Variants in ZNF716 observed in about 807,000 individuals in gnomAD.
ZNF716 encodes the protein zinc finger protein 716.
ZNF716 carries 9 observed loss-of-function variants against 13.4 expected under a neutral mutation model. The observed-to-expected ratio is 0.67, with a 90% CI of 0.41 to 1.18. ZNF716 has a LOEUF of 1.18. Ranked by LOEUF, ZNF716 falls within the 50% of genes most tolerant of loss-of-function variation. ZNF716 has a pLI of 0.01. For missense variants in ZNF716, 581 were observed against 576.6 expected (o/e 1.01, Z -0.08); for synonymous variants, 186 against 195.2 (o/e 0.95, Z 0.39).
Position 57,471,954 on chromosome 7 carries a change from T to C in ZNF716, c.*2005T>C, listed in dbSNP as rs1192442352. On this transcript the variant is annotated 3_prime_UTR_variant, in exon 4 of 4. Transcript: ENST00000420713. ...GCTTCTTTCTTTGTAAAAAAAAATA[T>C]AGATTTTCTGAAAAGCAAATAGTAA... 2 of 152,212 alleles carry C rather than the reference T, an allele frequency of 1.3e-5. No homozygotes were observed. Among genetic ancestry groups the C allele is most frequent in the Non-Finnish European group, 2.9e-5 (2 of 68,026 alleles). 9.4% of individuals were successfully genotyped at this position (152,212 alleles called of 1,614,324 possible). A position where few individuals can be genotyped will look rare whatever the true frequency, so the allele number is the denominator to read the frequency against.
Position 57,473,316 on chromosome 7 carries a change from C to G in ZNF716, c.*3367C>G, listed in dbSNP as rs1789981199. The stretch of plus-strand genomic sequence containing the variant: ...GGAGGATCATTTGAGGTTAGGAGTT[C>G]AAGACCAGCCTGGCCAACATGGTGA... On this transcript the variant is annotated 3_prime_UTR_variant, in exon 4 of 4. Coordinates refer to ENST00000420713, the MANE Select transcript of ZNF716 (RefSeq NM_001159279.1). The G allele has an allele frequency of 2.6e-5, 4 of 151,954 alleles. No individual in the cohort carries two copies. Among genetic ancestry groups the G allele is most frequent in the Admixed American group, 1.3e-4 (2 of 15,244 alleles). The allele number at this position is 151,954 out of a possible 1,614,324, so 9.4% of individuals were successfully genotyped here.
intron 1 of ZNF716, among the ~76,000 whole-genome samples, chr7:57,459,070 T>C (rs1483688001): frequency 6.6e-6 from 1 of 152,252 alleles, no homozygotes; most frequent in Non-Finnish European, 1.5e-5. Flanking sequence ...GATTATTCAA[T>C]TTTTATGTAA....
Position 57,450,271 on chromosome 7 carries a change from G to C in ZNF716, c.-18G>C, listed in dbSNP as rs1554321342. On this transcript the variant is annotated 5_prime_UTR_variant, in exon 1 of 4. Coordinates refer to ENST00000420713, the MANE Select transcript of ZNF716 (RefSeq NM_001159279.1). ...CCAAGCCTCTGTGGCCTTGTGTCCT[G>C]CAAGTATTCGCAGATTTATGGCTAA... 2 of 1,613,968 alleles carry C rather than the reference G, an allele frequency of 1.2e-6. No individual in the cohort carries two copies. Among genetic ancestry groups the C allele is most frequent in the Non-Finnish European group, 1.7e-6 (2 of 1,179,934 alleles).
chr7:57,468,372 A>G (rs1554324457), intron 3 of ZNF716, among the ~76,000 whole-genome samples: 1 of 152,034 alleles, frequency 6.6e-6, no homozygotes, highest in Non-Finnish European at 1.5e-5. Context: ...AGGTGCCAAT[A>G]TTTTTCTTTT....
In ZNF716 at chr7:57,462,464, T is replaced by C; in HGVS notation, c.44T>C (p.Leu15Pro). ...TTGTTTATTTTTTGTTTTTAGGGAC[T>C]GTTGACATTCAGAGACATAGCTATA... The part of the protein sequence containing the change: ...PGPPGSREMG[L>P]LTFRDIAIEF... Residue 15 changes from leucine to proline, a missense_variant, in exon 2 of 4, where the codon CTG becomes CCG. By Grantham distance (98) the Leu-to-Pro change is moderately conservative. Coordinates refer to ENST00000420713, the MANE Select transcript of ZNF716 (RefSeq NM_001159279.1). 1 of 1,613,704 alleles carries C rather than the reference T, an allele frequency of 6.2e-7. No homozygotes were observed. The highest frequency in any genetic ancestry group is 8.5e-7 in the Non-Finnish European group (1 of 1,179,912).
At chr7:57,464,913 T>A (rs1416815806) in intron 3 of ZNF716, among the ~76,000 whole-genome samples, 2 of 152,212 alleles carry the variant, frequency 1.3e-5, no homozygotes, top group Non-Finnish European at 2.9e-5. Context: ...CTGGCCTCCC[T>A]ATTTTGTTCT....
At position 57,463,165 on chromosome 7, in the gene ZNF716, C is replaced by G. The variant is rs1554323448; in HGVS notation, c.259C>G (p.Pro87Ala). The change falls in exon 3 of 4, where the codon CCA (proline) becomes GCA (alanine). Residue 87 changes from proline (P) to alanine (A), a missense_variant. By Grantham distance (27) the Pro-to-Ala change is conservative (BLOSUM62 -1). Coordinates refer to ENST00000420713, the MANE Select transcript of ZNF716 (RefSeq NM_001159279.1). ...GAGAAATGAGATGGTAGCCAAACACCCAGGTAGGTGAGAGCGAATGAAGCA... is the reference window on the plus strand; with the variant it reads ...GAGAAATGAGATGGTAGCCAAACACGCAGGTAGGTGAGAGCGAATGAAGCA... ...IKRNEMVAKHPVTCSHFTQDL... is the reference protein window; with the variant it reads ...IKRNEMVAKHAVTCSHFTQDL... The G allele has an allele frequency of 6.2e-7, 1 of 1,607,136 alleles. No homozygotes were observed. Among genetic ancestry groups the G allele is most frequent in the African/African-American group, 1.3e-5 (1 of 74,846 alleles).
chr7:57,469,956 A>G lies in ZNF716; in HGVS notation c.*7A>G, dbSNP rs1425586794. On this transcript the variant is annotated 3_prime_UTR_variant, in exon 4 of 4. Coordinates refer to ENST00000420713, the MANE Select transcript of ZNF716 (RefSeq NM_001159279.1). ...ACCCTACAAATATGAATAATGTGGT[A>G]AAGTCCAGCCCTCAGGCCTTATAAT... The G allele has an allele frequency of 1.9e-6, 3 of 1,541,156 alleles. No homozygotes were observed. Among genetic ancestry groups the G allele is most frequent in the Non-Finnish European group, 1.7e-6 (2 of 1,143,754 alleles).
At chr7:57,466,014 A>G (rs551421700) in intron 3 of ZNF716, among the ~76,000 whole-genome samples, 5 of 151,078 alleles carry the variant, frequency 3.3e-5, no homozygotes, top group Admixed American at 3.3e-4. Context: ...GAAGGGGAAC[A>G]TCACACTCTG....
intron 1 of ZNF716, among the ~76,000 whole-genome samples, chr7:57,453,476 G>A (rs1789531770): frequency 6.6e-6 from 1 of 152,094 alleles, no homozygotes; most frequent in Non-Finnish European, 1.5e-5. Context: ...AGCTCAATAT[G>A]TAAGAAAATA....
In ZNF716 at chr7:57,466,539, A is replaced by G. The variant is rs374654368; in HGVS notation, c.263-2185A>G. Among the ~76,000 whole-genome samples, 5 of 152,138 alleles carry G rather than the reference A, an allele frequency of 3.3e-5. No homozygotes were observed. The East Asian group carries it at 9.6e-4, about 29-fold the overall frequency. ...GGCTCCTCCACCTCACACTCGCATC[A>G]TCTTTCATTATGTGACATGGTTGGT... is the stretch of plus-strand genomic sequence containing the variant. On this transcript the variant is annotated intron_variant, in intron 3 of 3. Coordinates refer to ENST00000420713, the MANE Select transcript of ZNF716 (RefSeq NM_001159279.1).
At chr7:57,468,076 G>T (rs1340875509) in intron 3 of ZNF716, among the ~76,000 whole-genome samples, 1 of 151,980 alleles carries the variant, frequency 6.6e-6, no homozygotes. Context: ...GATTGTCTTG[G>T]CTAGAGATTC....
rs1428528059 is a variant in ZNF716 at position 57,472,347 on chromosome 7, T to C, written c.*2398T>C. On this transcript the variant is annotated 3_prime_UTR_variant, in exon 4 of 4. Coordinates refer to ENST00000420713, the MANE Select transcript of ZNF716 (RefSeq NM_001159279.1). Reference sequence around the variant, plus strand: ...TAAAACTATTGTGCTTTGAAAGAAGTATTAAGCTGCCATTGACTCTATCGT... The same window carrying C: ...TAAAACTATTGTGCTTTGAAAGAAGCATTAAGCTGCCATTGACTCTATCGT... The C allele has an allele frequency of 2.6e-4, 40 of 152,336 alleles. No individual in the cohort carries two copies. Among genetic ancestry groups the C allele is most frequent in the African/African-American group, 9.4e-4 (39 of 41,578 alleles). 9.4% of individuals were successfully genotyped at this position (152,336 alleles called of 1,614,324 possible).
chr7:57,469,271 A>G lies in ZNF716; in HGVS notation c.810A>G (p.Thr270=), dbSNP rs782610479. The G allele has an allele frequency of 6.3e-7, 1 of 1,590,656 alleles. No individual in the cohort carries two copies. Among genetic ancestry groups the G allele is most frequent in the Non-Finnish European group, 8.6e-7 (1 of 1,166,704 alleles). Residue 270 remains threonine, a synonymous_variant, in exon 4 of 4, where the codon ACA becomes ACG. Coordinates refer to ENST00000420713, the MANE Select transcript of ZNF716 (RefSeq NM_001159279.1). ...KRIHTGEKPY[T]CEERGKVFSR... is the part of the protein sequence containing the mutation. ...TTCATACTGGAGAGAAACCTTACAC[A>G]TGTGAAGAACGTGGCAAAGTCTTTA...
rs117461940 is a variant in ZNF716, at chr7:57,464,996, A to G, written c.262+1828A>G. Among the ~76,000 whole-genome samples, 1,128 of 152,308 alleles carry G rather than the reference A, an allele frequency of 7.4e-3. 6 individuals carry two copies. Among genetic ancestry groups the G allele is most frequent in the Non-Finnish European group, 0.013 (871 of 68,022 alleles). On this transcript the variant is annotated intron_variant, in intron 3 of 3. Transcript: ENST00000420713. Reference sequence around the variant, plus strand: ...TTGCAGCTTTTTATTATGATTTGAAATTATGAAGTATAATGCCTCTGTGTT... The same window carrying G: ...TTGCAGCTTTTTATTATGATTTGAAGTTATGAAGTATAATGCCTCTGTGTT...
At chr7:57,452,767 C>A (rs1789520122) in intron 1 of ZNF716, among the ~76,000 whole-genome samples, 1 of 152,026 alleles carries the variant, frequency 6.6e-6, no homozygotes, top group Non-Finnish European at 1.5e-5. Context: ...TGGGGGAAAC[C>A]CTACAGGGTA....
chr7:57,466,294 T>C (rs573073006), intron 3 of ZNF716, among the ~76,000 whole-genome samples: 1 of 152,290 alleles, frequency 6.6e-6, no homozygotes, highest in African/African-American at 2.4e-5. Context: ...GAGTTCTGCA[T>C]ATGTCTGTTT....
intron 3 of ZNF716, among the ~76,000 whole-genome samples, chr7:57,463,620 T>C (rs1353175567): frequency 6.6e-6 from 1 of 150,576 alleles, no homozygotes; most frequent in Non-Finnish European, 1.5e-5. Context: ...TTTATTACTA[T>C]AGCCTTGACA....
chr7:57,470,374 G>A lies in ZNF716; in HGVS notation c.*425G>A, dbSNP rs1415509094. The A allele has an allele frequency of 6.3e-6, 1 of 159,616 alleles. No individual in the cohort carries two copies. Among genetic ancestry groups the A allele is most frequent in the Non-Finnish European group, 1.4e-5 (1 of 72,594 alleles). The allele number at this position is 159,616 out of a possible 1,614,324, so 9.9% of individuals were successfully genotyped here. On this transcript the variant is annotated 3_prime_UTR_variant, in exon 4 of 4. Coordinates refer to ENST00000420713, the MANE Select transcript of ZNF716 (RefSeq NM_001159279.1). The stretch of plus-strand genomic sequence containing the variant: ...AGATGGGGTTTCACCATTTTGACCA[G>A]GCTGGTCTCAAACTCCTGACTTCAG...
Sources: gnomAD v4.1 joint callset for allele counts (sites outside exome capture counted in the v4.1 genomes callset) on GRCh38, gnomAD v4.1.1 for gene constraint, MANE v1.5 for transcripts, NCBI Gene and HGNC (gene_info 2026-07-23, HGNC 2026-07-21) for gene names.